ACAN: variants seen among roughly 807,000 people sequenced by gnomAD.
The protein encoded by ACAN is aggrecan core protein.
ACAN carries 47 observed loss-of-function variants against 169.1 expected under a neutral mutation model. The ratio of observed to expected loss-of-function variants is 0.28; its 90% confidence interval spans 0.22 to 0.35. ACAN has a LOEUF of 0.35. ACAN is among the 10% of genes least tolerant of loss of function. The pLI is 1.00. For synonymous variants in ACAN, 1,115 were observed against 1,112.2 expected (o/e 1.00, Z -0.05); for missense variants, 2,716 against 2,759.9 (o/e 0.98, Z 0.36).
chr15:88,842,312 G>A (rs1007647404), intron 5 of ACAN, among the ~76,000 whole-genome samples: 1 of 152,180 alleles, frequency 6.6e-6, no homozygotes. Context: ...CAGAGTCCCT[G>A]TGGGCAGCCC....
rs1346361409 is a variant in ACAN at position 88,858,446 on chromosome 15, C to G, written c.5861C>G (p.Ala1954Gly). Residue 1954 changes from alanine to glycine, a missense_variant, in exon 12 of 19, where the codon GCA (alanine) becomes GGA (glycine). Ala to Gly is a moderately conservative substitution (Grantham distance 60). Coordinates refer to ENST00000560601, the MANE Select transcript of ACAN (RefSeq NM_001369268.1). This position sits in a 1 kb window ranked among gnomAD's most constrained non-coding sequence, Gnocchi z 4.0. ...SVTQAPTAQE[A>G]GEGPSGILEL... ...ACCCAGGCTCCAACAGCCCAAGAGGCAGGAGAAGGGCCTTCTGGCATTTTA... is the reference window on the plus strand; with the variant it reads ...ACCCAGGCTCCAACAGCCCAAGAGGGAGGAGAAGGGCCTTCTGGCATTTTA... The G allele has an allele frequency of 6.2e-7, 1 of 1,613,688 alleles. No individual in the cohort carries two copies. Among genetic ancestry groups the G allele is most frequent in the East Asian group, 2.2e-5 (1 of 44,874 alleles).
At position 88,870,753 on chromosome 15, in the gene ACAN, A is replaced by AC. The variant is rs1897360361; in HGVS notation, c.7061-624dup. On this transcript the variant is annotated intron_variant, in intron 14 of 18. Transcript: ENST00000560601. The surrounding 1 kb of genome is among the most constrained non-coding windows in gnomAD (Gnocchi z 6.3). The stretch of plus-strand genomic sequence containing the variant: ...AAAAGCCAGGGCCCCTGGATCCCAG[A>AC]CCCCCAATGGGCTATCTGACCCCTG... Among the ~76,000 whole-genome samples, 1 of 151,586 alleles carries AC rather than the reference A, an allele frequency of 6.6e-6. No individual in the cohort carries two copies. Among genetic ancestry groups the AC allele is most frequent in the Non-Finnish European group, 1.5e-5 (1 of 67,894 alleles).
Position 88,851,442 on chromosome 15 carries a change from G to C in ACAN, c.2027-352G>C, listed in dbSNP as rs1896927863. 8 of 209,350 alleles carry C rather than the reference G, an allele frequency of 3.8e-5. No individual in the cohort carries two copies. In the South Asian group the frequency reaches 9.3e-4, roughly 24 times the overall value. The allele number at this position is 209,350 out of a possible 1,614,324, so 13.0% of individuals were successfully genotyped here. On this transcript the variant is annotated intron_variant, in intron 10 of 18. Coordinates refer to ENST00000560601, the MANE Select transcript of ACAN (RefSeq NM_001369268.1). The surrounding 1 kb of genome is among the most constrained non-coding windows in gnomAD (Gnocchi z 4.3). ...GACTCTGGGCAAATCATGTAACTCTGTGCCTCAGTTTCCCCATCTGTAAAA... is the reference window on the plus strand; with the variant it reads ...GACTCTGGGCAAATCATGTAACTCTCTGCCTCAGTTTCCCCATCTGTAAAA...
Position 88,869,613 on chromosome 15 carries a change from A to C in ACAN, c.7060+1284A>C, listed in dbSNP as rs761013583. On this transcript the variant is annotated intron_variant, in intron 14 of 18. Coordinates refer to ENST00000560601, the MANE Select transcript of ACAN (RefSeq NM_001369268.1). This position sits in a 1 kb window ranked among gnomAD's most constrained non-coding sequence, Gnocchi z 4.2. ...AGAAGAGTCTGGGACTTCCATGCCG[A>C]CAACAGCTATTTGGTTCCAGACTGG... Among the ~76,000 whole-genome samples the C allele has an allele frequency of 6.6e-6, 1 of 152,178 alleles. No individual in the cohort carries two copies. Among genetic ancestry groups the C allele is most frequent in the African/African-American group, 2.4e-5 (1 of 41,434 alleles).
chr15:88,839,520 G>C lies in ACAN; in HGVS notation c.454+474G>C, dbSNP rs1459591950. On this transcript the variant is annotated intron_variant, in intron 3 of 18. Transcript: ENST00000560601. This position sits in a 1 kb window ranked among gnomAD's most constrained non-coding sequence, Gnocchi z 4.5. ...CTCCATGGCCCAAGGAGAACAGTCA[G>C]GTCTTTGGTTAGCTTCAGGACTTTG... Among the ~76,000 whole-genome samples the C allele has an allele frequency of 6.6e-6, 1 of 152,228 alleles. No homozygotes were observed. The highest frequency in any genetic ancestry group is 1.5e-5 in the Non-Finnish European group (1 of 68,044).
chr15:88,833,933 GC>G (rs1345120318), intron 1 of ACAN, among the ~76,000 whole-genome samples: 4 of 152,286 alleles, frequency 2.6e-5, no homozygotes, highest in Middle Eastern at 3.4e-3. Context: ...GAACAGGCGG[GC>G]CTTGTGTCTG....
intron 6 of ACAN, 65 bp from the exon 7 acceptor site, chr15:88,845,440 C>A: frequency 6.5e-7 from 1 of 1,534,860 alleles, no homozygotes; most frequent in Non-Finnish European, 8.8e-7. Context: ...CTCCAGCCCA[C>A]TCCTCATCCC....
intron 10 of ACAN, chr15:88,850,659 G>A (rs555590087): frequency 6.6e-6 from 1 of 152,280 alleles, no homozygotes; most frequent in African/African-American, 2.4e-5. Flanking sequence ...CCAATTCAAG[G>A]CCAGGAGCAG....
rs778250246 is a variant in ACAN, at chr15:88,858,342, G to A, written c.5757G>A (p.Ser1919=). 2.4e-5 allele frequency: 39 copies of A among 1,613,788 alleles called. No homozygotes were observed. The highest frequency in any genetic ancestry group is 1.3e-4 in the South Asian group (12 of 91,076). Residue 1919 remains serine, a synonymous_variant, in exon 12 of 19, where the codon TCG becomes TCA. Transcript: ENST00000560601. This position sits in a 1 kb window ranked among gnomAD's most constrained non-coding sequence, Gnocchi z 4.0. ...SRAEIGSSLP[S]GAYYGSGTPS... ...CTGAGATTGGGAGCAGCCTGCCCTC[G>A]GGAGCATATTATGGCAGTGGAACTC...
At chr15:88,828,958 C>A (rs1896293083) in intron 1 of ACAN, among the ~76,000 whole-genome samples, 1 of 152,224 alleles carries the variant, frequency 6.6e-6, no homozygotes, top group Admixed American at 6.5e-5. Context: ...TTTCCCTTCA[C>A]TGGGCCCCTC....
At chr15:88,825,125 G>A (rs905085191) in intron 1 of ACAN, among the ~76,000 whole-genome samples, 1 of 152,160 alleles carries the variant, frequency 6.6e-6, no homozygotes, top group Non-Finnish European at 1.5e-5. Flanking sequence ...AGGGTTTGGG[G>A]AATAGTGATC....
chr15:88,830,555 G>A, intron 1 of ACAN, among the ~76,000 whole-genome samples: 1 of 151,476 alleles, frequency 6.6e-6, no homozygotes. Flanking sequence ...TGTATGTGTA[G>A]ATAGGTTTAG....
chr15:88,848,476 A>G (rs114526775), intron 9 of ACAN, among the ~76,000 whole-genome samples: 4,133 of 152,250 alleles, frequency 0.027, 196 homozygotes, highest in African/African-American at 0.095. Flanking sequence ...CAGCACTTTG[A>G]GAGGCAGAGG....
chr15:88,845,916 G>T (rs899197918), intron 7 of ACAN, 34 bp downstream of exon 7: 9 of 1,439,728 alleles, frequency 6.3e-6, no homozygotes, highest in Non-Finnish European at 8.2e-6. Context: ...TCCAGGGGCA[G>T]GTGGAGAGAA....
intron 4 of ACAN, among the ~76,000 whole-genome samples, chr15:88,840,878 C>T (rs560323810): frequency 3.1e-4 from 47 of 152,242 alleles, no homozygotes; most frequent in Admixed American, 1.2e-3. Context: ...GGCGCAGTGG[C>T]TCATGCCTGT....
In ACAN at chr15:88,838,890, T is replaced by G. The variant is rs777992997; in HGVS notation, c.298T>G (p.Tyr100Asp). Residue 100 changes from tyrosine (Y) to aspartate (D), a missense_variant, in exon 3 of 19, where the codon TAT becomes GAT. Transcript: ENST00000560601. This position sits in a 1 kb window ranked among gnomAD's most constrained non-coding sequence, Gnocchi z 5.1. ...TEGRVRVNSA[Y>D]QDKVSLPNYP... ...AGGGCGCGTGCGGGTCAACAGTGCC[T>G]ATCAGGACAAGGTCTCACTGCCCAA... 1 of 1,614,022 alleles carries G rather than the reference T, an allele frequency of 6.2e-7. No individual in the cohort carries two copies. The highest frequency in any genetic ancestry group is 1.3e-5 in the African/African-American group (1 of 75,050).
rs145010816 is a variant in ACAN at position 88,872,376 on chromosome 15, T to C, written c.7302+291T>C. ...CTTTAGAGAGGTTTCTTGCCCACAC[T>C]GAACTCGAGTCTACTCAAGGAGACA... On this transcript the variant is annotated intron_variant, in intron 16 of 18. Coordinates refer to ENST00000560601, the MANE Select transcript of ACAN (RefSeq NM_001369268.1). This position sits in a 1 kb window ranked among gnomAD's most constrained non-coding sequence, Gnocchi z 5.4. Among the ~76,000 whole-genome samples the C allele has an allele frequency of 4.4e-4, 67 of 152,260 alleles. 1 individual carries two copies. In the East Asian group the frequency reaches 0.01, roughly 24 times the overall value.
intron 11 of ACAN, among the ~76,000 whole-genome samples, chr15:88,854,281 T>A (rs1251390779): frequency 6.6e-6 from 1 of 152,178 alleles, no homozygotes; most frequent in Admixed American, 6.5e-5. Flanking sequence ...AAACACAGTA[T>A]GCCAGACTTC....
chr15:88,864,930 G>A (rs1377325513), intron 13 of ACAN, among the ~76,000 whole-genome samples: 1 of 152,134 alleles, frequency 6.6e-6, no homozygotes, highest in African/African-American at 2.4e-5. Context: ...ATTGCTCTTC[G>A]TTCAGCATTT....
Sources: allele counts gnomAD v4.1 joint callset (sites outside exome capture counted in the v4.1 genomes callset), GRCh38; gene constraint gnomAD v4.1.1; non-coding constraint Gnocchi (gnomAD v3.1); transcripts MANE v1.5; gene names NCBI Gene and HGNC (gene_info 2026-07-23, HGNC 2026-07-21).